SLC12A7: variants seen among roughly 807,000 people sequenced by gnomAD.
SLC12A7 encodes the protein solute carrier family 12 member 7, also known as K-Cl cotransporter 4.
In SLC12A7, 100 loss-of-function variants were observed where a neutral mutation model predicts 120.6. That is an observed-to-expected ratio of 0.83 (90% CI 0.71 to 0.98). SLC12A7 has a LOEUF of 0.98. Ranked by LOEUF, SLC12A7 falls within the 50% of genes least tolerant of loss-of-function variation. The probability of loss-of-function intolerance (pLI) is 0.00; values close to 1 mark genes in which losing one functional copy is unlikely to be tolerated. For missense variants in SLC12A7, 1,373 were observed against 1,548.1 expected, an observed-to-expected ratio of 0.89 and a Z score of 1.90; for synonymous variants, 760 against 678.0, an observed-to-expected ratio of 1.12 and a Z score of -1.88.
At chr5:1,088,959 A>G in intron 4 of SLC12A7, 23 bp downstream of exon 4, 9 of 1,612,354 alleles carry the variant, frequency 5.6e-6, no homozygotes, top group Non-Finnish European at 6.8e-6. Context: ...AGGCACAGCC[A>G]CACCTGGCCG....
chr5:1,112,140 C>T (rs1304213239), upstream of SLC12A7: 13 of 982,924 alleles, frequency 1.3e-5, no homozygotes, highest in Non-Finnish European at 1.7e-5. Context: ...GCCCCGCGGC[C>T]CCACGAAAAG....
chr5:1,138,216 C>T, the SLC12A7 span, among the ~76,000 whole-genome samples: 4 of 152,092 alleles, frequency 2.6e-5, no homozygotes, highest in Admixed American at 6.5e-5. Context: ...ACAAACCTTC[C>T]ACATCATTGA....
At chr5:1,154,151 C>A in the SLC12A7 span, among the ~76,000 whole-genome samples, 1 of 152,014 alleles carries the variant, frequency 6.6e-6, no homozygotes, top group African/African-American at 2.4e-5. Context: ...AGTGTCCCGT[C>A]CACCTCATCT....
the SLC12A7 span, among the ~76,000 whole-genome samples, chr5:1,119,401 G>A: frequency 7.9e-5 from 12 of 152,190 alleles, no homozygotes; most frequent in African/African-American, 2.4e-4. Context: ...CCAGACACCC[G>A]CTAGGGCCCC....
chr5:1,093,942 G>C (rs1740824677), intron 2 of SLC12A7, among the ~76,000 whole-genome samples: 1 of 152,160 alleles, frequency 6.6e-6, no homozygotes, highest in Non-Finnish European at 1.5e-5. Context: ...GATCCAGGAA[G>C]GAGCCCAGAA....
chr5:1,117,813 T>C, the SLC12A7 span, among the ~76,000 whole-genome samples: 1 of 152,234 alleles, frequency 6.6e-6, no homozygotes, highest in Non-Finnish European at 1.5e-5. The surrounding 1 kb of genome is among the most constrained non-coding windows in gnomAD (Gnocchi z 4.5). Context: ...AGCTCACGCC[T>C]GTAGTCCCAG....
chr5:1,065,162 A>T, intron 18 of SLC12A7, 121 bp downstream of exon 18: 1 of 749,306 alleles, frequency 1.3e-6, no homozygotes, highest in Non-Finnish European at 2.1e-6. Context: ...GGGGACGAAA[A>T]GGGGACAGTG....
rs1166949429 is a variant in SLC12A7, at chr5:1,089,125, G to A, written c.346C>T (p.Pro116Ser). The A allele has an allele frequency of 6.2e-7, 1 of 1,612,442 alleles. No individual in the cohort carries two copies. Among genetic ancestry groups the A allele is most frequent in the Non-Finnish European group, 8.5e-7 (1 of 1,179,948 alleles). The change falls in exon 4 of 24, where the codon CCG becomes TCG. Residue 116 changes from proline to serine, a missense_variant. Transcript: ENST00000264930. ...ACGCCGATGAAGGTGCCCATGCGCG[G>A]AGCCTGCGACAGAGCATAGCGTGTC... ...EESRRREAKA[P>S]RMGTFIGVYL...
intron 6 of SLC12A7, among the ~76,000 whole-genome samples, chr5:1,086,679 C>T (rs561425833): frequency 2.6e-5 from 4 of 152,358 alleles, no homozygotes; most frequent in South Asian, 2.1e-4. Flanking sequence ...GCACGCCTCA[C>T]GGAGGGCAGC....
chr5:1,107,101 C>T (rs539572833), intron 1 of SLC12A7, among the ~76,000 whole-genome samples: 17 of 152,348 alleles, frequency 1.1e-4, no homozygotes, highest in East Asian at 3.9e-4. Flanking sequence ...GCTGATCAAA[C>T]GCTGCCTGCC....
At chr5:1,066,142 C>T (rs1031569662) in intron 17 of SLC12A7, among the ~76,000 whole-genome samples, 5 of 152,162 alleles carry the variant, frequency 3.3e-5, no homozygotes, top group Non-Finnish European at 5.9e-5. Flanking sequence ...GCCCTGGAAC[C>T]CCAGGGCCTG....
the SLC12A7 span, among the ~76,000 whole-genome samples, chr5:1,145,045 C>T: frequency 1.3e-5 from 2 of 152,370 alleles, no homozygotes; most frequent in African/African-American, 4.8e-5. The surrounding 1 kb of genome is among the most constrained non-coding windows in gnomAD (Gnocchi z 4.4). Context: ...CATGTGCTGT[C>T]GGCACGGCCA....
chr5:1,065,165 G>C, intron 18 of SLC12A7, 118 bp downstream of exon 18: 1 of 807,280 alleles, frequency 1.2e-6, no homozygotes, highest in Non-Finnish European at 2.0e-6. Flanking sequence ...GACGAAAAGG[G>C]GACAGTGAGA....
the SLC12A7 span, among the ~76,000 whole-genome samples, chr5:1,141,259 T>C: frequency 0.21 from 31,878 of 152,190 alleles, 3,475 homozygotes; most frequent in Admixed American, 0.28. Context: ...GGACACCCGT[T>C]ATATTGAATT....
chr5:1,138,955 A>C, the SLC12A7 span, among the ~76,000 whole-genome samples: 3 of 152,214 alleles, frequency 2.0e-5, 1 homozygote, highest in South Asian at 4.1e-4. Flanking sequence ...ACTCCAGGGC[A>C]CTGGCCAGAA....
At chr5:1,123,650 C>A in the SLC12A7 span, among the ~76,000 whole-genome samples, 11 of 152,374 alleles carry the variant, frequency 7.2e-5, 1 homozygote, top group African/African-American at 2.6e-4. Flanking sequence ...CCGGGGGCCG[C>A]GGTCAGCTTC....
rs1422542071 is a variant in SLC12A7, at chr5:1,088,965, G to A, written c.489+17C>T. ...ACCGCCCGAAGGCACAGCCACACCT[G>A]GCCGGGGGAGACTCACACATGTGCA... On this transcript the variant is annotated intron_variant, in intron 4 of 23. Coordinates refer to ENST00000264930, the MANE Select transcript of SLC12A7 (RefSeq NM_006598.3). The A allele has an allele frequency of 3.1e-6, 5 of 1,612,336 alleles. No individual in the cohort carries two copies. The South Asian group carries it at 5.5e-5, about 18-fold the overall frequency.
the SLC12A7 span, among the ~76,000 whole-genome samples, chr5:1,130,185 C>T: frequency 1.9e-4 from 29 of 152,276 alleles, no homozygotes; most frequent in African/African-American, 5.5e-4. Context: ...AGCAGCCTCC[C>T]GGGCAGCCCA....
chr5:1,057,764 G>A, intron 21 of SLC12A7, 115 bp from the exon 22 acceptor site: 1 of 1,045,826 alleles, frequency 9.6e-7, no homozygotes, highest in Middle Eastern at 3.2e-4. Flanking sequence ...AGGGCCCTGT[G>A]TGCCTGACCC....
Sources: gnomAD v4.1 joint callset for allele counts (sites outside exome capture counted in the v4.1 genomes callset) on GRCh38, gnomAD v4.1.1 for gene constraint, Gnocchi (gnomAD v3.1) non-coding constraint, MANE v1.5 for transcripts, NCBI Gene and HGNC (gene_info 2026-07-23, HGNC 2026-07-21) for gene names.